Variants in LRRK2 observed in about 807,000 individuals in gnomAD.
LRRK2 encodes the protein leucine rich repeat kinase 2.
In LRRK2, 203 loss-of-function variants were observed where a neutral mutation model predicts 302.6. The ratio of observed to expected loss-of-function variants is 0.67; its 90% confidence interval spans 0.60 to 0.75. The LOEUF is 0.75. Among genes scored for constraint, LRRK2 ranks in the 30% least tolerant of loss-of-function variants. The pLI is 0.00. For missense variants in LRRK2, 2,830 were observed against 2,951.0 expected, an observed-to-expected ratio of 0.96 and a Z score of 0.95; for synonymous variants, 1,066 against 1,031.9, an observed-to-expected ratio of 1.03 and a Z score of -0.63.
Position 40,320,063 on chromosome 12 carries a change from C to A in LRRK2, c.4903C>A (p.Leu1635Ile). The A allele has an allele frequency of 1.2e-6, 2 of 1,611,664 alleles. No individual in the cohort carries two copies. ...IISRRDVEKFLSKKRKFPKNY... is the reference protein window; with the variant it reads ...IISRRDVEKFISKKRKFPKNY... Reference sequence around the variant, plus strand: ...TTCGCGTAGAGATGTGGAAAAATTTCTTTCAAAAAAAAGGAAATTTCCAAA... The same window carrying A: ...TTCGCGTAGAGATGTGGAAAAATTTATTTCAAAAAAAAGGAAATTTCCAAA... The change falls in exon 34 of 51, where the codon CTT becomes ATT. Residue 1635 changes from leucine to isoleucine, a missense_variant. This residue lies in a region of LRRK2 where 2,121 missense variants were observed against 2,148.0 expected (regional missense o/e 0.99). Transcript: ENST00000298910.
intron 18 of LRRK2, among the ~76,000 whole-genome samples, chr12:40,280,622 TA>T (rs376096297): frequency 0.035 from 199 of 5,754 alleles, 2 homozygotes; most frequent in South Asian, 0.064. Flanking sequence ...CAGACCCTGT[TA>T]AAATAAAATA....
chr12:40,361,000 T>C (rs1946687264), intron 47 of LRRK2, among the ~76,000 whole-genome samples: 1 of 152,134 alleles, frequency 6.6e-6, no homozygotes, highest in Non-Finnish European at 1.5e-5. Flanking sequence ...AGTTTCTCAA[T>C]ACCACTAAAT....
chr12:40,302,611 T>G (rs1470853792), intron 25 of LRRK2, among the ~76,000 whole-genome samples, 178 bp from the exon 26 acceptor site: 1 of 152,152 alleles, frequency 6.6e-6, no homozygotes, highest in Admixed American at 6.6e-5. Context: ...ATTATTTTAT[T>G]GTTTAGTGGA....
intron 14 of LRRK2, among the ~76,000 whole-genome samples, chr12:40,270,038 A>T (rs1379703192): frequency 6.6e-6 from 1 of 152,180 alleles, no homozygotes; most frequent in Non-Finnish European, 1.5e-5. Flanking sequence ...TGGTTTTGTT[A>T]TGTATAAAAT....
chr12:40,314,114 A>T lies in LRRK2; in HGVS notation c.4679A>T (p.Asn1560Ile), dbSNP rs763303744. 22 of 1,612,638 alleles carry T rather than the reference A, an allele frequency of 1.4e-5. No homozygotes were observed. Among genetic ancestry groups the T allele is most frequent in the Non-Finnish European group, 1.9e-5 (22 of 1,179,038 alleles). Residue 1560 changes from asparagine to isoleucine, a missense_variant, in exon 32 of 51, where the codon AAT becomes ATT. Asn to Ile is a moderately radical substitution (Grantham distance 149, BLOSUM62 -3). Around this residue, in one of 3 missense-constraint regions of LRRK2, gnomAD observed 2,121 missense variants for 2,148.0 expected, o/e 0.99. Coordinates refer to ENST00000298910, the MANE Select transcript of LRRK2 (RefSeq NM_198578.4). ...RKRLLQLVRE[N>I]QLQLDENELP... ...CGATTATTACAACTAGTGAGAGAAA[A>T]TCAGCTGCAGTTAGATGAAAATGAG... is the stretch of plus-strand genomic sequence containing the variant.
At chr12:40,248,849 A>G (rs1373178618) in intron 7 of LRRK2, among the ~76,000 whole-genome samples, 6 of 152,190 alleles carry the variant, frequency 3.9e-5, no homozygotes, top group Non-Finnish European at 7.3e-5. Flanking sequence ...CAAGCTGGTA[A>G]AAGTAGAAGA....
At position 40,364,908 on chromosome 12, in the gene LRRK2, C is replaced by A; in HGVS notation, c.7248C>A (p.Thr2416=). The change falls in exon 49 of 51, where the codon ACC becomes ACA. Residue 2416 remains threonine, a synonymous_variant. Coordinates refer to ENST00000298910, the MANE Select transcript of LRRK2 (RefSeq NM_198578.4). ...HKMSYSGRVK[T]LCLQKNTALW... ...TGTCTTATTCTGGGAGAGTGAAAAC[C>A]CTCTGCCTTCAGAAGAACACTGCTC... 1 of 1,612,268 alleles carries A rather than the reference C, an allele frequency of 6.2e-7. No individual in the cohort carries two copies. The highest frequency in any genetic ancestry group is 8.5e-7 in the Non-Finnish European group (1 of 1,179,008).
chr12:40,233,672 C>T (rs2136401578), intron 3 of LRRK2, among the ~76,000 whole-genome samples: 1 of 152,218 alleles, frequency 6.6e-6, no homozygotes, highest in South Asian at 2.1e-4. Flanking sequence ...TTTAAATGTC[C>T]CTTGGTTTGG....
chr12:40,363,654 G>T (rs554127257), intron 48 of LRRK2, 100 bp downstream of exon 48: 16 of 1,349,406 alleles, frequency 1.2e-5, no homozygotes, highest in Admixed American at 2.3e-5. Flanking sequence ...TCTGAATAGA[G>T]AATTTTTTTA....
rs1946965618 is a variant in LRRK2, at chr12:40,369,209, T to G, written c.*1444T>G. The stretch of plus-strand genomic sequence containing the variant: ...TTCATTGTTACTTTGTATTTGCAAT[T>G]TTTTTTACCAAAGACAAATTAAAAA... On this transcript the variant is annotated 3_prime_UTR_variant, in exon 51 of 51. Transcript: ENST00000298910. 1 of 151,704 alleles carries G rather than the reference T, an allele frequency of 6.6e-6. No homozygotes were observed. The highest frequency in any genetic ancestry group is 2.4e-5 in the African/African-American group (1 of 41,362). 9.4% of individuals were successfully genotyped at this position (151,704 alleles called of 1,614,324 possible). A position where few individuals can be genotyped will look rare whatever the true frequency, so the allele number is the denominator to read the frequency against.
chr12:40,319,914 G>T, intron 33 of LRRK2, 74 bp from the exon 34 acceptor site: 3 of 1,395,774 alleles, frequency 2.1e-6, no homozygotes. Flanking sequence ...TGAGCAAAGA[G>T]ACATAAAATG....
intron 41 of LRRK2, among the ~76,000 whole-genome samples, chr12:40,343,381 G>A (rs4768231): frequency 0.77 from 116,848 of 152,072 alleles, 45,733 homozygotes; most frequent in Non-Finnish European, 0.86. Flanking sequence ...TAACTAATGC[G>A]ATAGTATTTA....
chr12:40,277,976 A>C lies in LRRK2; in HGVS notation c.2030A>C (p.His677Pro). The change falls in exon 17 of 51, where the codon CAT (histidine) becomes CCT (proline). Residue 677 changes from histidine (H) to proline (P), a missense_variant. His to Pro is a moderately conservative substitution (Grantham distance 77, BLOSUM62 -2). Around this residue, in one of 3 missense-constraint regions of LRRK2, gnomAD observed 2,121 missense variants for 2,148.0 expected, o/e 0.99. Coordinates refer to ENST00000298910, the MANE Select transcript of LRRK2 (RefSeq NM_198578.4). ...CATTCATTTGACTTAGTAATATTCC[A>C]TCAAATGTCTTCCAATATCATGGAA... Reference protein sequence around the residue: ...VHHSFDLVIFHQMSSNIMEQK... With the variant: ...VHHSFDLVIFPQMSSNIMEQK... The C allele has an allele frequency of 2.5e-6, 4 of 1,613,558 alleles. No homozygotes were observed. The highest frequency in any genetic ancestry group is 3.4e-6 in the Non-Finnish European group (4 of 1,179,900).
intron 47 of LRRK2, among the ~76,000 whole-genome samples, chr12:40,359,652 A>G (rs182785999): frequency 5.4e-4 from 82 of 152,264 alleles, no homozygotes; most frequent in African/African-American, 1.9e-3. Context: ...CAACCTAATC[A>G]CTTTTAGGGA....
intron 11 of LRRK2, among the ~76,000 whole-genome samples, chr12:40,254,730 G>A (rs1481700394): frequency 1.3e-5 from 2 of 152,168 alleles, no homozygotes; most frequent in African/African-American, 4.8e-5. Flanking sequence ...TCTGAGGACT[G>A]GTTACATTCA....
intron 25 of LRRK2, among the ~76,000 whole-genome samples, chr12:40,300,388 C>A (rs1296854319): frequency 6.6e-6 from 1 of 152,078 alleles, no homozygotes; most frequent in Non-Finnish European, 1.5e-5. Flanking sequence ...ACAGGAATTC[C>A]CCATATTTTA....
chr12:40,227,879 T>A (rs1439371033), intron 2 of LRRK2: 1 of 152,220 alleles, frequency 6.6e-6, no homozygotes, highest in Non-Finnish European at 1.5e-5. Flanking sequence ...TTTCTTTTTT[T>A]ACTTTTTGTA....
chr12:40,232,322 A>T lies in LRRK2; in HGVS notation c.286A>T (p.Met96Leu). 1 of 1,614,158 alleles carries T rather than the reference A, an allele frequency of 6.2e-7. No individual in the cohort carries two copies. The highest frequency in any genetic ancestry group is 1.3e-5 in the African/African-American group (1 of 75,052). ...ATTAATAGAAGTCTGTCCAGGTACA[A>T]TGCAAAGCTTAATGGGACCCCAGGA... is the stretch of plus-strand genomic sequence containing the variant. ...CKLIEVCPGTMQSLMGPQDVG... is the reference protein window; with the variant it reads ...CKLIEVCPGTLQSLMGPQDVG... Residue 96 changes from methionine (M) to leucine (L), a missense_variant, in exon 3 of 51, where the codon ATG (methionine) becomes TTG (leucine). By Grantham distance (15) the Met-to-Leu change is conservative. Around this residue, in one of 3 missense-constraint regions of LRRK2, gnomAD observed 2,121 missense variants for 2,148.0 expected, o/e 0.99. Coordinates refer to ENST00000298910, the MANE Select transcript of LRRK2 (RefSeq NM_198578.4).
chr12:40,324,818 C>G (rs1945497835), intron 38 of LRRK2, among the ~76,000 whole-genome samples: 1 of 152,250 alleles, frequency 6.6e-6, no homozygotes, highest in African/African-American at 2.4e-5. Context: ...AATCCTACAT[C>G]TTAACCCCAG....
Sources: gnomAD v4.1 joint callset for allele counts (sites outside exome capture counted in the v4.1 genomes callset) on GRCh38, gnomAD v4.1.1 for gene constraint, gnomAD v4.1.1 regional missense constraint, MANE v1.5 for transcripts, NCBI Gene and HGNC (gene_info 2026-07-23, HGNC 2026-07-21) for gene names.